Variants in SMTNL2 observed in about 807,000 individuals in gnomAD.
SMTNL2 encodes smoothelin-like protein 2.
In SMTNL2, 43 loss-of-function variants were observed where a neutral mutation model predicts 44.1. That is an observed-to-expected ratio of 0.98 (90% CI 0.76 to 1.26). The LOEUF (loss-of-function observed/expected upper bound fraction) is 1.26. SMTNL2 is among the 50% of genes most tolerant of loss of function. The probability of loss-of-function intolerance (pLI) is 0.00; values close to 1 mark genes in which losing one functional copy is unlikely to be tolerated. For synonymous variants in SMTNL2, 317 were observed against 287.6 expected (o/e 1.10, Z -1.03); for missense variants, 646 against 670.2 (o/e 0.96, Z 0.40).
chr17:4,597,467 C>T (rs1909867434), intron 7 of SMTNL2, 144 bp downstream of exon 7: 4 of 1,155,578 alleles, frequency 3.5e-6, no homozygotes, highest in Admixed American at 2.6e-5. Flanking sequence ...GGTCTGTGTA[C>T]CTCTTGTGCA....
chr17:4,584,926 G>C lies in SMTNL2; in HGVS notation c.321G>C (p.Gly107=), dbSNP rs554847837. The change falls in exon 1 of 8, where the codon GGG becomes GGC. Residue 107 remains glycine (G), a synonymous_variant. Transcript: ENST00000389313. ...CGCCCAGCCCCCCGCCCGCGCCCGGGGTTCCCGACCGCGCGCCCCGCCTGG... is the reference window on the plus strand; with the variant it reads ...CGCCCAGCCCCCCGCCCGCGCCCGGCGTTCCCGACCGCGCGCCCCGCCTGG... ...PGTPSPPPAP[G]VPDRAPRLGS... 7.7e-7 allele frequency: 1 copy of C among 1,304,880 alleles called. No individual in the cohort carries two copies. The highest frequency in any genetic ancestry group is 3.2e-5 in the East Asian group (1 of 31,004). 80.8% of individuals were successfully genotyped at this position (1,304,880 alleles called of 1,614,324 possible). A position where few individuals can be genotyped will look rare whatever the true frequency, so the allele number is the denominator to read the frequency against.
In SMTNL2 at chr17:4,586,715, C is replaced by T. The variant is rs569641827; in HGVS notation, c.399+1711C>T. On this transcript the variant is annotated intron_variant, in intron 1 of 7. Transcript: ENST00000389313. The stretch of plus-strand genomic sequence containing the variant: ...GTGGAGGGTGGCTGGAGGTGGGTAA[C>T]TTGATTGTGATGGTCCAAGGAGAAA... Among the ~76,000 whole-genome samples the T allele has an allele frequency of 3.3e-5, 5 of 152,208 alleles. 1 individual carries two copies. In the South Asian group the frequency reaches 1.0e-3, roughly 32 times the overall value.
At chr17:4,586,116 G>A (rs1395257710) in intron 1 of SMTNL2, among the ~76,000 whole-genome samples, 1 of 152,224 alleles carries the variant, frequency 6.6e-6, no homozygotes, top group Non-Finnish European at 1.5e-5. Flanking sequence ...AAGGCTGAAA[G>A]TACTCACTGG....
In SMTNL2 at chr17:4,592,188, C is replaced by A. The variant is rs1909600362; in HGVS notation, c.400-173C>A. Among the ~76,000 whole-genome samples, 1 of 152,142 alleles carries A rather than the reference C, an allele frequency of 6.6e-6. No individual in the cohort carries two copies. The highest frequency in any genetic ancestry group is 1.5e-5 in the Non-Finnish European group (1 of 68,034). ...CAGGGGCTCAGCAGTTGGAGTGGGGCCATCCCAGCTTTTGCTGTGTGACTT... is the reference window on the plus strand; with the variant it reads ...CAGGGGCTCAGCAGTTGGAGTGGGGACATCCCAGCTTTTGCTGTGTGACTT... On this transcript the variant is annotated intron_variant, in intron 1 of 7. Transcript: ENST00000389313. This position sits in a 1 kb window ranked among gnomAD's most constrained non-coding sequence, Gnocchi z 4.5.
intron 7 of SMTNL2, among the ~76,000 whole-genome samples, chr17:4,606,702 C>A (rs957942522): frequency 3.3e-5 from 5 of 151,578 alleles, no homozygotes; most frequent in African/African-American, 1.2e-4. Flanking sequence ...GTCAGGAGAT[C>A]GAGACCAGCC....
rs1401126932 is a variant in SMTNL2 at position 4,584,811 on chromosome 17, G to T, written c.206G>T (p.Arg69Leu). The part of the protein sequence containing the change: ...TVADLQRDNQ[R>L]LQAQLERLTR... ...GCCGACCTGCAGCGGGACAACCAGC[G>T]GCTGCAGGCGCAGCTCGAGCGCCTG... The change falls in exon 1 of 8, where the codon CGG becomes CTG. Residue 69 changes from arginine to leucine, a missense_variant. Coordinates refer to ENST00000389313, the MANE Select transcript of SMTNL2 (RefSeq NM_001114974.2). 1 of 1,326,746 alleles carries T rather than the reference G, an allele frequency of 7.5e-7. No homozygotes were observed. The highest frequency in any genetic ancestry group is 3.2e-5 in the East Asian group (1 of 30,932). 82.2% of individuals were successfully genotyped at this position (1,326,746 alleles called of 1,614,324 possible). A position where few individuals can be genotyped will look rare whatever the true frequency, so the allele number is the denominator to read the frequency against.
Position 4,600,863 on chromosome 17 carries a change from C to T in SMTNL2, c.1259+3540C>T, listed in dbSNP as rs1038969730. 6.6e-6 allele frequency among the ~76,000 whole-genome samples: 1 copy of T among 152,206 alleles called. No individual in the cohort carries two copies. The highest frequency in any genetic ancestry group is 1.5e-5 in the Non-Finnish European group (1 of 68,038). On this transcript the variant is annotated intron_variant, in intron 7 of 7. Transcript: ENST00000389313. This position sits in a 1 kb window ranked among gnomAD's most constrained non-coding sequence, Gnocchi z 4.7. Reference sequence around the variant, plus strand: ...GTTACGCTGGAGCAGAAGGGCCTTCCAGGCTATTTGTAGTGCCCATGTGTC... The same window carrying T: ...GTTACGCTGGAGCAGAAGGGCCTTCTAGGCTATTTGTAGTGCCCATGTGTC...
In SMTNL2 at chr17:4,598,056, T is replaced by C. The variant is rs1909888516; in HGVS notation, c.1259+733T>C. Among the ~76,000 whole-genome samples the C allele has an allele frequency of 1.3e-5, 2 of 152,158 alleles. No homozygotes were observed. On this transcript the variant is annotated intron_variant, in intron 7 of 7. Transcript: ENST00000389313. This position sits in a 1 kb window ranked among gnomAD's most constrained non-coding sequence, Gnocchi z 4.8. ...AAAGGCGTGGGCAGGAATGAGGTCG[T>C]GGGTCAGGCCTCATGCAGCAGCCTC... is the stretch of plus-strand genomic sequence containing the variant.
At chr17:4,602,880 C>A (rs975395346) in intron 7 of SMTNL2, among the ~76,000 whole-genome samples, 5 of 152,196 alleles carry the variant, frequency 3.3e-5, no homozygotes, top group African/African-American at 1.2e-4. Context: ...CATATTGTGA[C>A]CCCTCCCTGC....
intron 1 of SMTNL2, among the ~76,000 whole-genome samples, chr17:4,589,278 T>G (rs369094853): frequency 2.6e-5 from 4 of 151,996 alleles, no homozygotes; most frequent in African/African-American, 9.7e-5. Flanking sequence ...CCTGGGAAAA[T>G]GGTTTCACCC....
In SMTNL2 at chr17:4,605,153, G is replaced by GTTTTT. The variant is rs753950451; in HGVS notation, c.1260-2186_1260-2182dup. Reference sequence around the variant, plus strand: ...GAATAATCTCTGACTTTTTTGTTTGGTTTTTTTTTTTTTTTTTTTTTTTTT... The same window carrying GTTTTT: ...GAATAATCTCTGACTTTTTTGTTTGGTTTTTTTTTTTTTTTTTTTTTTTTTTTTTT... On this transcript the variant is annotated intron_variant, in intron 7 of 7. Coordinates refer to ENST00000389313, the MANE Select transcript of SMTNL2 (RefSeq NM_001114974.2). 1.1e-4 allele frequency among the ~76,000 whole-genome samples: 9 copies of GTTTTT among 82,250 alleles called. 1 individual carries two copies. Among genetic ancestry groups the GTTTTT allele is most frequent in the African/African-American group, 2.2e-4 (4 of 18,474 alleles). 54.0% of individuals were successfully genotyped at this position (82,250 alleles called of 152,430 possible).
Position 4,607,758 on chromosome 17 carries a change from G to C in SMTNL2, c.*271G>C. ...GAGAGAGACATTGGTGCTAAGTAAT[G>C]ATCTTCCTAAAGAAATGCTTGTGTT... On this transcript the variant is annotated 3_prime_UTR_variant, in exon 8 of 8. Coordinates refer to ENST00000389313, the MANE Select transcript of SMTNL2 (RefSeq NM_001114974.2). The surrounding 1 kb of genome is among the most constrained non-coding windows in gnomAD (Gnocchi z 4.7). 1 of 369,454 alleles carries C rather than the reference G, an allele frequency of 2.7e-6. No individual in the cohort carries two copies. Among genetic ancestry groups the C allele is most frequent in the East Asian group, 4.6e-5 (1 of 21,624 alleles). 22.9% of individuals were successfully genotyped at this position (369,454 alleles called of 1,614,324 possible).
chr17:4,591,889 C>T (rs2150520457), intron 1 of SMTNL2, among the ~76,000 whole-genome samples: 1 of 152,348 alleles, frequency 6.6e-6, no homozygotes, highest in East Asian at 1.9e-4. Context: ...GCCTCCCATG[C>T]AAAGATCTCA....
Position 4,584,636 on chromosome 17 carries a change from C to A in SMTNL2, c.31C>A (p.Arg11Ser). Residue 11 changes from arginine to serine, a missense_variant, in exon 1 of 8, where the codon CGC becomes AGC. Physicochemically the swap from Arg to Ser is moderately radical, Grantham distance 110 (BLOSUM62 -1). Transcript: ENST00000389313. Reference sequence around the variant, plus strand: ...GCCGGCCCCCGACGCCCAGGAGGCGCGCACTGTGCGCGAGGCGCTGGGCCG... The same window carrying A: ...GCCGGCCCCCGACGCCCAGGAGGCGAGCACTGTGCGCGAGGCGCTGGGCCG... Reference protein sequence around the residue: MEPAPDAQEARTVREALGRYE... With the variant: MEPAPDAQEASTVREALGRYE... The A allele has an allele frequency of 7.9e-7, 1 of 1,259,938 alleles. No individual in the cohort carries two copies. Among genetic ancestry groups the A allele is most frequent in the Non-Finnish European group, 1.0e-6 (1 of 1,004,580 alleles). The allele number at this position is 1,259,938 out of a possible 1,614,324, so 78.0% of individuals were successfully genotyped here.
chr17:4,592,566 C>A lies in SMTNL2; in HGVS notation c.487+118C>A. The A allele has an allele frequency of 1.1e-6, 1 of 930,082 alleles. No individual in the cohort carries two copies. Among genetic ancestry groups the A allele is most frequent in the Non-Finnish European group, 1.6e-6 (1 of 625,926 alleles). 57.6% of individuals were successfully genotyped at this position (930,082 alleles called of 1,614,324 possible). On this transcript the variant is annotated intron_variant, in intron 2 of 7. Coordinates refer to ENST00000389313, the MANE Select transcript of SMTNL2 (RefSeq NM_001114974.2). The surrounding 1 kb of genome is among the most constrained non-coding windows in gnomAD (Gnocchi z 4.5). ...GGCATCGGGGGGACTCTATCCTGAA[C>A]CCCAGCAGGGAGAGAGGCTGCCAGG... is the stretch of plus-strand genomic sequence containing the variant.
rs1909855403 is a variant in SMTNL2, at chr17:4,597,219, C to T, written c.1155C>T (p.Ala385=). The change falls in exon 7 of 8, where the codon GCC becomes GCT. Residue 385 remains alanine (A), a synonymous_variant. Transcript: ENST00000389313. ...CCTCCAGCTGGAGCGACGGCATGGC[C>T]TTCTGCGCCCTGGTACACTCCTTCT... is the stretch of plus-strand genomic sequence containing the variant. The part of the protein sequence containing the change: ...NFSSSWSDGM[A]FCALVHSFFP... 1 of 1,614,160 alleles carries T rather than the reference C, an allele frequency of 6.2e-7. No individual in the cohort carries two copies. Among genetic ancestry groups the T allele is most frequent in the South Asian group, 1.1e-5 (1 of 91,086 alleles).
chr17:4,595,950 A>C lies in SMTNL2; in HGVS notation c.989+623A>C, dbSNP rs764758009. Among the ~76,000 whole-genome samples, 238 of 115,748 alleles carry C rather than the reference A, an allele frequency of 2.1e-3. No individual in the cohort carries two copies. The highest frequency in any genetic ancestry group is 6.7e-3 in the African/African-American group (203 of 30,118). The allele number at this position is 115,748 out of a possible 152,430, so 75.9% of individuals were successfully genotyped here. A position where few individuals can be genotyped will look rare whatever the true frequency, so the allele number is the denominator to read the frequency against. ...TCTGCTGTGTGCAGGGTGTGGCCCA[A>C]GCGTGGTATTGATGTCTGCTGTGTG... On this transcript the variant is annotated intron_variant, in intron 5 of 7. Transcript: ENST00000389313. The surrounding 1 kb of genome is among the most constrained non-coding windows in gnomAD (Gnocchi z 5.1).
chr17:4,593,779 C>CTGGGGCCAGGG, intron 3 of SMTNL2, 43 bp from the exon 4 acceptor site: 1 of 1,598,860 alleles, frequency 6.3e-7, no homozygotes, highest in Non-Finnish European at 8.5e-7. Context: ...CGGGCCCTCC[C>CTGGGGCCAGGG]TGGGGCCAGG....
Position 4,584,793 on chromosome 17 carries a change from T to C in SMTNL2, c.188T>C (p.Leu63Pro). 2 of 1,322,288 alleles carry C rather than the reference T, an allele frequency of 1.5e-6. No homozygotes were observed. The highest frequency in any genetic ancestry group is 3.2e-5 in the East Asian group (1 of 30,976). The allele number at this position is 1,322,288 out of a possible 1,614,324, so 81.9% of individuals were successfully genotyped here. A position where few individuals can be genotyped will look rare whatever the true frequency, so the allele number is the denominator to read the frequency against. ...AGPLARTVAD[L>P]QRDNQRLQAQ... ...CCCCTGGCGCGCACGGTGGCCGACC[T>C]GCAGCGGGACAACCAGCGGCTGCAG... Residue 63 changes from leucine to proline, a missense_variant, in exon 1 of 8, where the codon CTG becomes CCG. Coordinates refer to ENST00000389313, the MANE Select transcript of SMTNL2 (RefSeq NM_001114974.2).
Sources: allele counts gnomAD v4.1 joint callset (sites outside exome capture counted in the v4.1 genomes callset), GRCh38; gene constraint gnomAD v4.1.1; non-coding constraint Gnocchi (gnomAD v3.1); transcripts MANE v1.5; gene names NCBI Gene and HGNC (gene_info 2026-07-23, HGNC 2026-07-21).